Variants in ABHD17B observed in about 807,000 individuals in gnomAD.
ABHD17B encodes the protein abhydrolase domain containing 17B, depalmitoylase, also known as alpha/beta hydrolase domain-containing protein 17B.
In ABHD17B, 9 loss-of-function variants were observed where a neutral mutation model predicts 26.2. The observed-to-expected ratio is 0.34, with a 90% CI of 0.21 to 0.60. The LOEUF (loss-of-function observed/expected upper bound fraction) is 0.60, where lower values mean the gene tolerates loss of function less well. ABHD17B is among the 20% of genes least tolerant of loss of function. The pLI is 0.80. For synonymous variants in ABHD17B, 127 were observed against 122.3 expected (o/e 1.04, Z -0.25); for missense variants, 224 against 352.1 (o/e 0.64, Z 2.91).
intron 1 of ABHD17B, among the ~76,000 whole-genome samples, chr9:71,890,506 T>C (rs1021728805): frequency 3.9e-5 from 6 of 152,238 alleles, no homozygotes; most frequent in Non-Finnish European, 8.8e-5. Flanking sequence ...ACATTAAGTT[T>C]TATATCATTT....
intron 1 of ABHD17B, among the ~76,000 whole-genome samples, chr9:71,890,758 A>C (rs1826757432): frequency 6.6e-6 from 1 of 152,138 alleles, no homozygotes; most frequent in South Asian, 2.1e-4. Context: ...AAGAGGCTTT[A>C]ATTTTCTGAA....
intron 1 of ABHD17B, among the ~76,000 whole-genome samples, chr9:71,905,941 G>A (rs1239441274): frequency 1.3e-5 from 2 of 152,144 alleles, no homozygotes; most frequent in Non-Finnish European, 2.9e-5. Flanking sequence ...CAGCCACTCG[G>A]GAAGCCCAGG....
intron 3 of ABHD17B, among the ~76,000 whole-genome samples, chr9:71,867,473 C>A (rs1825989487): frequency 6.6e-6 from 1 of 152,036 alleles, no homozygotes; most frequent in Admixed American, 6.6e-5. Flanking sequence ...GGAGAATGTA[C>A]TAAAATATAA....
intron 1 of ABHD17B, among the ~76,000 whole-genome samples, chr9:71,888,409 A>G (rs776576389): frequency 1.3e-5 from 2 of 152,240 alleles, no homozygotes; most frequent in Non-Finnish European, 2.9e-5. Flanking sequence ...AAAAGCTGTC[A>G]TATTACATTG....
At chr9:71,870,619 G>T (rs74586159) in intron 2 of ABHD17B, among the ~76,000 whole-genome samples, 1 of 152,138 alleles carries the variant, frequency 6.6e-6, no homozygotes, top group East Asian at 1.9e-4. Context: ...GATGTTGAAT[G>T]AATAGGTCAT....
intron 1 of ABHD17B, among the ~76,000 whole-genome samples, chr9:71,910,163 G>A (rs1827410981): frequency 6.6e-6 from 1 of 152,104 alleles, no homozygotes; most frequent in Non-Finnish European, 1.5e-5. Flanking sequence ...GCGCCCGACA[G>A]AGATATAAGG....
At chr9:71,894,461 A>G (rs1826896733) in intron 1 of ABHD17B, among the ~76,000 whole-genome samples, 1 of 152,180 alleles carries the variant, frequency 6.6e-6, no homozygotes, top group Admixed American at 6.5e-5. Context: ...GCTCTGCCTC[A>G]GCCTCTCAAG....
intron 1 of ABHD17B, chr9:71,902,570 A>G (rs767701063): frequency 6.6e-6 from 1 of 152,238 alleles, no homozygotes; most frequent in Non-Finnish European, 1.5e-5. Context: ...TTGATTAATA[A>G]AAGTGACAAT....
chr9:71,899,105 C>CA (rs1181938600), intron 1 of ABHD17B, among the ~76,000 whole-genome samples: 1 of 147,880 alleles, frequency 6.8e-6, no homozygotes, highest in Non-Finnish European at 1.5e-5. Flanking sequence ...ACCTGGGCGA[C>CA]AGAGCAAGAC....
intron 2 of ABHD17B, 47 bp from the exon 3 acceptor site, chr9:71,870,309 A>G (rs2132127530): frequency 6.7e-7 from 1 of 1,487,836 alleles, no homozygotes. Context: ...AGTTGGAGTG[A>G]TATGAAATGT....
chr9:71,864,961 G>T (rs1564057479), downstream of ABHD17B, among the ~76,000 whole-genome samples: 2 of 152,184 alleles, frequency 1.3e-5, no homozygotes, highest in South Asian at 2.1e-4. Context: ...GCTAAGCCCT[G>T]GGTTGTATGC....
rs55851562 is a variant in ABHD17B at position 71,882,619 on chromosome 9, C to A, written c.-3-7536G>T. The stretch of plus-strand genomic sequence containing the variant: ...GTTGCAGTGAGCTGAGATCGCGCCA[C>A]TGCACTCCAACCTGGGCAACAGACT... On this transcript the variant is annotated intron_variant, in intron 1 of 3. Transcript: ENST00000333421. Among the ~76,000 whole-genome samples, 983 of 149,590 alleles carry A rather than the reference C, an allele frequency of 6.6e-3. 11 individuals carry two copies. The highest frequency in any genetic ancestry group is 0.023 in the African/African-American group (922 of 40,628).
chr9:71,894,254 T>C (rs573917846), intron 1 of ABHD17B, among the ~76,000 whole-genome samples: 1 of 152,322 alleles, frequency 6.6e-6, no homozygotes, highest in East Asian at 1.9e-4. Flanking sequence ...TTGACTTATT[T>C]CTTATTTATC....
At chr9:71,875,956 C>T (rs1826262284) in intron 1 of ABHD17B, among the ~76,000 whole-genome samples, 1 of 152,192 alleles carries the variant, frequency 6.6e-6, no homozygotes, top group Non-Finnish European at 1.5e-5. Context: ...TGACTCCAGG[C>T]TGTCACTACA....
In ABHD17B at chr9:71,884,788, T is replaced by C. The variant is rs746341127; in HGVS notation, c.-3-9705A>G. The stretch of plus-strand genomic sequence containing the variant: ...GGACATCTAGTATCAAGCAGAATAC[T>C]TGACATATAGTAGGGTTTCTAATAT... On this transcript the variant is annotated intron_variant, in intron 1 of 3. Coordinates refer to ENST00000333421, the MANE Select transcript of ABHD17B (RefSeq NM_001025780.3). Among the ~76,000 whole-genome samples, 3 of 152,046 alleles carry C rather than the reference T, an allele frequency of 2.0e-5. No homozygotes were observed. In the East Asian group the frequency reaches 5.8e-4, roughly 29 times the overall value.
intron 1 of ABHD17B, among the ~76,000 whole-genome samples, chr9:71,881,471 GAA>G (rs59917751): frequency 1.3e-5 from 2 of 150,202 alleles, no homozygotes; most frequent in Non-Finnish European, 3.0e-5. Context: ...AAGTAACAAA[GAA>G]AAAAAAATAG....
intron 1 of ABHD17B, among the ~76,000 whole-genome samples, chr9:71,889,510 T>G (rs1406466454): frequency 6.6e-6 from 1 of 152,044 alleles, no homozygotes; most frequent in South Asian, 2.1e-4. Flanking sequence ...AGACATATCT[T>G]AAAAGAGACT....
At chr9:71,893,673 C>A (rs1826864494) in intron 1 of ABHD17B, among the ~76,000 whole-genome samples, 1 of 152,310 alleles carries the variant, frequency 6.6e-6, no homozygotes. Flanking sequence ...TCTCTCCTAC[C>A]CAGAGATTAA....
chr9:71,881,185 C>T (rs1826431248), intron 1 of ABHD17B, among the ~76,000 whole-genome samples: 1 of 152,154 alleles, frequency 6.6e-6, no homozygotes, highest in South Asian at 2.1e-4. Context: ...CAGAAATAAA[C>T]CTGACATTTA....
Sources: allele counts gnomAD v4.1 joint callset (sites outside exome capture counted in the v4.1 genomes callset), GRCh38; gene constraint gnomAD v4.1.1; transcripts MANE v1.5; gene names NCBI Gene and HGNC (gene_info 2026-07-23, HGNC 2026-07-21).